MCHR2: variants seen among roughly 807,000 people sequenced by gnomAD.
MCHR2 encodes the protein melanin-concentrating hormone receptor 2.
A neutral mutation model predicts 24.8 loss-of-function variants in MCHR2; 15 were observed. The observed-to-expected ratio is 0.60, with a 90% CI of 0.40 to 0.93. The LOEUF (loss-of-function observed/expected upper bound fraction) is 0.93. Ranked by LOEUF, MCHR2 falls within the 40% of genes least tolerant of loss-of-function variation. MCHR2 has a pLI of 0.00. For missense variants in MCHR2, 386 were observed against 408.7 expected (o/e 0.94, Z 0.48); for synonymous variants, 151 against 147.6 (o/e 1.02, Z -0.17).
At chr6:99,959,981 C>T (rs1001655236) in intron 1 of MCHR2, among the ~76,000 whole-genome samples, 12 of 151,944 alleles carry the variant, frequency 7.9e-5, no homozygotes, top group Non-Finnish European at 1.8e-4. Context: ...TGGCTGAAAT[C>T]TTCCTAAATC....
rs757611584 is a variant in MCHR2 at position 99,921,262 on chromosome 6, A to C, written c.708-7T>G. On this transcript the variant is annotated splice_region_variant and splice_polypyrimidine_tract_variant and intron_variant, in intron 5 of 5. Transcript: ENST00000281806. ...TGGTACACTGGGATTGCAGCTGCAG[A>C]GGAAACATTCAGATAGACAGGGTAT... is the stretch of plus-strand genomic sequence containing the variant. The C allele has an allele frequency of 6.2e-7, 1 of 1,611,244 alleles. No homozygotes were observed. Among genetic ancestry groups the C allele is most frequent in the Non-Finnish European group, 8.5e-7 (1 of 1,178,682 alleles).
chr6:99,937,681 C>T (rs1204161567), intron 4 of MCHR2, among the ~76,000 whole-genome samples: 2 of 149,350 alleles, frequency 1.3e-5, no homozygotes, highest in East Asian at 2.0e-4. Context: ...TCTTGTGTGT[C>T]TCTGGATGGT....
intron 1 of MCHR2, among the ~76,000 whole-genome samples, chr6:99,971,185 T>C (rs889004163): frequency 6.6e-6 from 1 of 152,256 alleles, no homozygotes; most frequent in Admixed American, 6.5e-5. Context: ...TGATTCTTCC[T>C]ACCCATGAGC....
intron 5 of MCHR2, among the ~76,000 whole-genome samples, chr6:99,921,626 A>G (rs1774234545): frequency 6.6e-6 from 1 of 152,224 alleles, no homozygotes; most frequent in Non-Finnish European, 1.5e-5. Context: ...ATTACGAACA[A>G]TCCAATTATA....
chr6:99,959,836 TAATA>T (rs1194842343), intron 1 of MCHR2, among the ~76,000 whole-genome samples: 1 of 143,102 alleles, frequency 7.0e-6, no homozygotes, highest in Non-Finnish European at 1.6e-5. Flanking sequence ...ATAATAATGA[TAATA>T]ATAATAATAA....
rs368898730 is a variant in MCHR2 at position 99,934,441 on chromosome 6, A to G, written c.664T>C (p.Cys222Arg). The change falls in exon 5 of 6, where the codon TGC becomes CGC. Residue 222 changes from cysteine to arginine, a missense_variant. Transcript: ENST00000281806. ...TGTTGATACATCTCCCAAGTATAGC[A>G]TAAAATTAAAATATAGCACACCAAA... ...LILVCYILILCYTWEMYQQNK... is the reference protein window; with the variant it reads ...LILVCYILILRYTWEMYQQNK... The G allele has an allele frequency of 5.5e-5, 88 of 1,605,216 alleles. No individual in the cohort carries two copies. The highest frequency in any genetic ancestry group is 7.3e-5 in the Non-Finnish European group (86 of 1,177,030).
At position 99,927,783 on chromosome 6, in the gene MCHR2, C is replaced by A. The variant is rs924571855; in HGVS notation, c.708-6528G>T. On this transcript the variant is annotated intron_variant, in intron 5 of 5. Transcript: ENST00000281806. ...GATATACAATCATGTCATCTGCAAA[C>A]AGGGACAATTTGACTTCCTCTTTTC... is the stretch of plus-strand genomic sequence containing the variant. Among the ~76,000 whole-genome samples the A allele has an allele frequency of 2.0e-5, 3 of 152,258 alleles. No individual in the cohort carries two copies. In the East Asian group the frequency reaches 5.8e-4, roughly 29 times the overall value.
intron 1 of MCHR2, among the ~76,000 whole-genome samples, chr6:99,992,768 CA>C (rs1356187782): frequency 6.6e-6 from 1 of 152,138 alleles, no homozygotes; most frequent in East Asian, 1.9e-4. Context: ...ATTATCTTGT[CA>C]TAGCCATAAG....
chr6:99,959,580 A>G (rs1296058793), intron 1 of MCHR2, among the ~76,000 whole-genome samples: 1 of 118,890 alleles, frequency 8.4e-6, no homozygotes, highest in Admixed American at 8.8e-5. Context: ...ATTCAAAATA[A>G]CCACCATAAA....
chr6:99,930,072 G>A (rs1774477922), intron 5 of MCHR2, among the ~76,000 whole-genome samples: 1 of 151,440 alleles, frequency 6.6e-6, no homozygotes, highest in Non-Finnish European at 1.5e-5. Context: ...TGTCTGTAAA[G>A]TATTTTATTT....
intron 1 of MCHR2, among the ~76,000 whole-genome samples, chr6:99,974,326 A>T (rs998687992): frequency 5.3e-4 from 80 of 152,070 alleles, no homozygotes; most frequent in African/African-American, 1.9e-3. Flanking sequence ...TCCAACACTG[A>T]TACACTTTCT....
chr6:99,931,616 T>A (rs1369189606), intron 5 of MCHR2, among the ~76,000 whole-genome samples: 2 of 152,114 alleles, frequency 1.3e-5, no homozygotes, highest in Non-Finnish European at 2.9e-5. Flanking sequence ...TTAGCGAGAC[T>A]CTGTGGGCGT....
chr6:99,965,083 A>G (rs1000585383), intron 1 of MCHR2, among the ~76,000 whole-genome samples: 4 of 152,150 alleles, frequency 2.6e-5, no homozygotes, highest in African/African-American at 9.7e-5. Flanking sequence ...GACCCTGATG[A>G]GCCAACAATG....
chr6:99,958,870 T>C lies in MCHR2; in HGVS notation c.-27-2696A>G, dbSNP rs896071612. On this transcript the variant is annotated intron_variant, in intron 1 of 5. Transcript: ENST00000281806. The stretch of plus-strand genomic sequence containing the variant: ...TTGTTCTAACTTTCAAGGGGCTTCC[T>C]TGGGGACAGGTTTTTGTCTCATCTA... 4.6e-5 allele frequency among the ~76,000 whole-genome samples: 7 copies of C among 152,170 alleles called. No individual in the cohort carries two copies. In the East Asian group the frequency reaches 1.2e-3, roughly 25 times the overall value.
At chr6:99,943,286 A>G in intron 3 of MCHR2, 143 bp from the exon 4 acceptor site, 2 of 260,616 alleles carry the variant, frequency 7.7e-6, no homozygotes, top group Non-Finnish European at 1.4e-5. Flanking sequence ...AAAGTTTTAT[A>G]TATATATATA....
chr6:99,986,323 A>G (rs1407227742), intron 1 of MCHR2, among the ~76,000 whole-genome samples: 1 of 152,152 alleles, frequency 6.6e-6, no homozygotes, highest in Non-Finnish European at 1.5e-5. Context: ...ATCACTGGGT[A>G]TCTACCCCTA....
chr6:99,957,812 A>G (rs1775095075), intron 1 of MCHR2, among the ~76,000 whole-genome samples: 1 of 152,124 alleles, frequency 6.6e-6, no homozygotes, highest in South Asian at 2.1e-4. Context: ...ACTCTACTGG[A>G]AAAATTATAA....
At position 99,921,075 on chromosome 6, in the gene MCHR2, A is replaced by T; in HGVS notation, c.888T>A (p.Tyr296Ter). Residue 296 changes from tyrosine to a stop codon, truncating the protein, a stop_gained, in exon 6 of 6, where the codon TAT becomes TAA. Transcript: ENST00000281806. LOFTEE classifies it low-confidence loss of function (END_TRUNC). ...GAAAAGGGTTAATGCTGCTGCTGGC[A>T]TAGCTGAGACAGATGGAGAGGTAAT... is the stretch of plus-strand genomic sequence containing the variant. ...VGYYLSICLS[Y>*]ASSSINPFLY... 6.2e-7 allele frequency: 1 copy of T among 1,614,238 alleles called. No homozygotes were observed.
chr6:99,935,796 C>G (rs1242354887), intron 4 of MCHR2, among the ~76,000 whole-genome samples: 1 of 151,564 alleles, frequency 6.6e-6, no homozygotes, highest in Non-Finnish European at 1.5e-5. Context: ...GTGATTGTAA[C>G]AATATATATT....
Sources: gnomAD v4.1 joint callset for allele counts (sites outside exome capture counted in the v4.1 genomes callset) on GRCh38, gnomAD v4.1.1 for gene constraint, MANE v1.5 for transcripts, NCBI Gene and HGNC (gene_info 2026-07-23, HGNC 2026-07-21) for gene names.